PRKCZ: variants seen among roughly 807,000 people sequenced by gnomAD.
PRKCZ encodes protein kinase C zeta, also known as protein kinase C zeta type.
Under a neutral mutation model 79.5 loss-of-function variants are expected in PRKCZ, and 33 were observed. The observed-to-expected ratio is 0.41, with a 90% CI of 0.31 to 0.55. The LOEUF is 0.55. Ranked by LOEUF, PRKCZ falls within the 20% of genes least tolerant of loss-of-function variation. The probability of loss-of-function intolerance (pLI) is 0.19; values close to 1 mark genes in which losing one functional copy is unlikely to be tolerated. For synonymous variants in PRKCZ, 342 were observed against 320.9 expected (o/e 1.07, Z -0.70); for missense variants, 578 against 813.5 (o/e 0.71, Z 3.52).
chr1:2,160,273 C>G (rs940491526), intron 10 of PRKCZ, among the ~76,000 whole-genome samples: 12 of 113,602 alleles, frequency 1.1e-4, no homozygotes, highest in African/African-American at 3.0e-4. Context: ...GTGTGTGTGT[C>G]AGTTATGCTT....
Position 2,169,078 on chromosome 1 carries a change from A to G in PRKCZ, c.975-440A>G, listed in dbSNP as rs1338498781. On this transcript the variant is annotated intron_variant, in intron 10 of 17. Transcript: ENST00000378567. ...CGGTGGACTCCTCAGCCTTGCAGCA[A>G]TGAAATCAGGCCTTGAGGCCACCCC... 12 of 451,564 alleles carry G rather than the reference A, an allele frequency of 2.7e-5. 1 individual carries two copies. The highest frequency in any genetic ancestry group is 3.1e-5 in the South Asian group (2 of 64,254). The allele number at this position is 451,564 out of a possible 1,614,324, so 28.0% of individuals were successfully genotyped here.
chr1:2,095,650 C>T (rs1432372294), intron 4 of PRKCZ, among the ~76,000 whole-genome samples: 1 of 151,998 alleles, frequency 6.6e-6, no homozygotes, highest in East Asian at 1.9e-4. Flanking sequence ...TCTCCCGCAG[C>T]CTGGCATGGG....
rs1666152240 is a variant in PRKCZ, at chr1:2,094,713, C to G, written c.334+35122C>G. On this transcript the variant is annotated intron_variant, in intron 4 of 17. Coordinates refer to ENST00000378567, the MANE Select transcript of PRKCZ (RefSeq NM_002744.6). This position sits in a 1 kb window ranked among gnomAD's most constrained non-coding sequence, Gnocchi z 7.3. The stretch of plus-strand genomic sequence containing the variant: ...GCCCGCTGTGCCCGGCTCGTTGAAC[C>G]TTGGGCGCTGCCCGTTCTGAGGCGC... Among the ~76,000 whole-genome samples the G allele has an allele frequency of 1.3e-5, 2 of 151,334 alleles. No homozygotes were observed. Among genetic ancestry groups the G allele is most frequent in the African/African-American group, 4.9e-5 (2 of 41,014 alleles).
intron 4 of PRKCZ, among the ~76,000 whole-genome samples, chr1:2,102,613 T>A (rs574941610): frequency 3.9e-5 from 6 of 152,220 alleles, no homozygotes; most frequent in Non-Finnish European, 8.8e-5. Context: ...ATTACAGGTG[T>A]GAGCCACCGT....
At chr1:2,102,538 T>G (rs1215914966) in intron 4 of PRKCZ, among the ~76,000 whole-genome samples, 1 of 151,980 alleles carries the variant, frequency 6.6e-6, no homozygotes, top group Non-Finnish European at 1.5e-5. Flanking sequence ...TTCACTGTGT[T>G]AGCCGGGATG....
intron 4 of PRKCZ, chr1:2,104,796 G>A (rs1557569383): frequency 1.0e-6 from 1 of 985,976 alleles, no homozygotes; most frequent in Non-Finnish European, 1.2e-6. Flanking sequence ...GGCCGAGCAC[G>A]AAAGGGAGAG....
In PRKCZ at chr1:2,176,504, A is replaced by G. The variant is rs112798198; in HGVS notation, c.1575+1191A>G. Among the ~76,000 whole-genome samples the G allele has an allele frequency of 3.8e-3, 581 of 152,266 alleles. 3 individuals carry two copies. Among genetic ancestry groups the G allele is most frequent in the African/African-American group, 0.013 (547 of 41,536 alleles). ...TCTGAAGCTGAGGAGCGTCTGTGGA[A>G]TTTGTTTCCAGCTGTGTAAATGGTT... On this transcript the variant is annotated intron_variant, in intron 16 of 17. Coordinates refer to ENST00000378567, the MANE Select transcript of PRKCZ (RefSeq NM_002744.6).
rs1429758519 is a variant in PRKCZ at position 2,118,336 on chromosome 1, G to GT, written c.335-16921dup. Among the ~76,000 whole-genome samples the GT allele has an allele frequency of 2.4e-3, 201 of 82,896 alleles. 1 individual carries two copies. The highest frequency in any genetic ancestry group is 9.0e-3 in the African/African-American group (142 of 15,702). 54.4% of individuals were successfully genotyped at this position (82,896 alleles called of 152,430 possible). A position where few individuals can be genotyped will look rare whatever the true frequency, so the allele number is the denominator to read the frequency against. Reference sequence around the variant, plus strand: ...ATTGATGCTTTTATCATCATGAAATGTTTTTGTTTTTTTTTTTTTGAGACA... The same window carrying GT: ...ATTGATGCTTTTATCATCATGAAATGTTTTTTGTTTTTTTTTTTTTGAGACA... On this transcript the variant is annotated intron_variant, in intron 4 of 17. Transcript: ENST00000378567.
intron 4 of PRKCZ, among the ~76,000 whole-genome samples, chr1:2,074,471 G>A (rs79509884): frequency 0.027 from 4,085 of 152,282 alleles, 169 homozygotes; most frequent in African/African-American, 0.094. Flanking sequence ...TGGCCGCTTC[G>A]TCTCCATTCT....
intron 9 of PRKCZ, among the ~76,000 whole-genome samples, chr1:2,153,829 G>T (rs1026505914): frequency 1.3e-5 from 2 of 152,212 alleles, no homozygotes; most frequent in African/African-American, 4.8e-5. Context: ...GTTGTCTTTC[G>T]AGAAGAGCCT....
At chr1:2,140,640 G>C (rs1416071219) in intron 5 of PRKCZ, among the ~76,000 whole-genome samples, 1 of 151,896 alleles carries the variant, frequency 6.6e-6, no homozygotes, top group Non-Finnish European at 1.5e-5. Flanking sequence ...TTGGGTGACA[G>C]AGTGAGACTC....
intron 3 of PRKCZ, among the ~76,000 whole-genome samples, chr1:2,056,821 T>C (rs2678952): frequency 0.34 from 50,633 of 150,254 alleles, 13,284 homozygotes; most frequent in African/African-American, 0.71. Flanking sequence ...CTCCGCCTCC[T>C]GGGTTCATGC....
intron 4 of PRKCZ, among the ~76,000 whole-genome samples, chr1:2,067,039 T>C (rs1046963278): frequency 2.0e-5 from 3 of 152,268 alleles, no homozygotes; most frequent in African/African-American, 7.2e-5. Flanking sequence ...ATCCATTGGT[T>C]GAGTGTGTAG....
chr1:2,063,086 G>A lies in PRKCZ; in HGVS notation c.334+3495G>A, dbSNP rs567651404. On this transcript the variant is annotated intron_variant, in intron 4 of 17. Coordinates refer to ENST00000378567, the MANE Select transcript of PRKCZ (RefSeq NM_002744.6). ...CCATGTCCTCAAGGCGCAGCCATGC[G>A]TAGCCTGTGTCACAGTCTCCTTCCT... 2.6e-5 allele frequency among the ~76,000 whole-genome samples: 4 copies of A among 152,248 alleles called. No homozygotes were observed. In the South Asian group the frequency reaches 6.2e-4, roughly 24 times the overall value.
chr1:2,144,237 A>G lies in PRKCZ; in HGVS notation c.448A>G (p.Arg150Gly), dbSNP rs1434525546. 6.4e-7 allele frequency: 1 copy of G among 1,553,296 alleles called. No individual in the cohort carries two copies. The highest frequency in any genetic ancestry group is 1.2e-5 in the South Asian group (1 of 84,192). ...AGCGTACTGCGGTCAGTGCAGCGAG[A>G]GGATATGGGGCCTCGCGAGGCAAGG... is the stretch of plus-strand genomic sequence containing the variant. ...RRAYCGQCSE[R>G]IWGLARQGYR... Residue 150 changes from arginine to glycine, a missense_variant, in exon 6 of 18, where the codon AGG becomes GGG. Physicochemically the swap from Arg to Gly is moderately radical, Grantham distance 125. Transcript: ENST00000378567.
chr1:2,078,313 T>C (rs1346029178), intron 4 of PRKCZ, among the ~76,000 whole-genome samples: 8 of 152,244 alleles, frequency 5.3e-5, no homozygotes, highest in Non-Finnish European at 1.2e-4. Context: ...ATGCTTTTCC[T>C]CCAGCCACAC....
upstream of PRKCZ, chr1:2,049,124 C>T: frequency 6.6e-6 from 1 of 152,430 alleles, no homozygotes; most frequent in Non-Finnish European, 1.5e-5. Context: ...CGACATCATG[C>T]CATTGCACTC....
chr1:2,173,754 G>A lies in PRKCZ; in HGVS notation c.1286-143G>A. The A allele has an allele frequency of 8.2e-7, 1 of 1,224,906 alleles. No homozygotes were observed. The highest frequency in any genetic ancestry group is 1.1e-6 in the Non-Finnish European group (1 of 904,760). The allele number at this position is 1,224,906 out of a possible 1,614,324, so 75.9% of individuals were successfully genotyped here. Reference sequence around the variant, plus strand: ...GAGGTGCTGGTTCTGTTTGGGAAGTGGAAGTCACAGAGGCCTGTGTGCCGC... The same window carrying A: ...GAGGTGCTGGTTCTGTTTGGGAAGTAGAAGTCACAGAGGCCTGTGTGCCGC... On this transcript the variant is annotated intron_variant, in intron 13 of 17. Transcript: ENST00000378567. This position sits in a 1 kb window ranked among gnomAD's most constrained non-coding sequence, Gnocchi z 5.7.
At chr1:2,129,558 C>T (rs368816952) in intron 4 of PRKCZ, among the ~76,000 whole-genome samples, 346 of 152,254 alleles carry the variant, frequency 2.3e-3, no homozygotes, top group Non-Finnish European at 4.3e-3. Flanking sequence ...GTCTGAATAT[C>T]GCTTAAGGTA....
Sources: gnomAD v4.1 joint callset for allele counts (sites outside exome capture counted in the v4.1 genomes callset) on GRCh38, gnomAD v4.1.1 for gene constraint, Gnocchi (gnomAD v3.1) non-coding constraint, MANE v1.5 for transcripts, NCBI Gene and HGNC (gene_info 2026-07-23, HGNC 2026-07-21) for gene names.